The following EML6 variants were observed in gnomAD, a reference collection of about 807,000 sequenced individuals.
EML6 encodes EMAP like 6, also known as echinoderm microtubule-associated protein-like 6.
In EML6, 154 loss-of-function variants were observed where a neutral mutation model predicts 240.1. The ratio of observed to expected loss-of-function variants is 0.64; its 90% CI spans 0.56 to 0.73. The LOEUF (loss-of-function observed/expected upper bound fraction) is 0.73, where lower values mean the gene tolerates loss of function less well. Among genes scored for constraint, EML6 ranks in the 30% least tolerant of loss-of-function variants. The pLI, the probability that EML6 is intolerant of heterozygous loss-of-function variation, is 0.00. For missense variants in EML6, 2,964 were observed against 2,474.6 expected, an observed-to-expected ratio of 1.20 and a Z score of -4.20; for synonymous variants, 1,148 against 899.0, an observed-to-expected ratio of 1.28 and a Z score of -4.95.
intron 19 of EML6, among the ~76,000 whole-genome samples, chr2:54,893,422 A>T (rs951543132): frequency 6.6e-6 from 1 of 152,114 alleles, no homozygotes; most frequent in African/African-American, 2.4e-5. Flanking sequence ...GTCCGAAATC[A>T]TCCTTTAGTA....
chr2:54,833,887 A>C (rs1215777481), intron 7 of EML6, among the ~76,000 whole-genome samples: 1 of 152,208 alleles, frequency 6.6e-6, no homozygotes, highest in Non-Finnish European at 1.5e-5. Flanking sequence ...TAAATAACTA[A>C]TTCGGCAGCA....
At chr2:54,827,890 T>TTACA in intron 6 of EML6, 139 bp downstream of exon 6, 1 of 621,856 alleles carries the variant, frequency 1.6e-6, no homozygotes, top group Non-Finnish European at 2.8e-6. Context: ...ATTTCCCATA[T>TTACA]TACATTTGCT....
At chr2:54,903,583 C>G in intron 24 of EML6, 81 bp downstream of exon 24, 11 of 1,120,276 alleles carry the variant, frequency 9.8e-6, no homozygotes, top group Non-Finnish European at 1.3e-5. Context: ...GAGAGAATGG[C>G]AGTTGAGTGT....
At chr2:54,786,575 G>A (rs1049431094) in intron 2 of EML6, among the ~76,000 whole-genome samples, 12 of 152,164 alleles carry the variant, frequency 7.9e-5, no homozygotes, top group Admixed American at 6.5e-5. Flanking sequence ...GGGACATAGC[G>A]GTATAGGGAG....
chr2:54,887,546 A>C (rs1205866545), intron 17 of EML6, among the ~76,000 whole-genome samples: 1 of 152,122 alleles, frequency 6.6e-6, no homozygotes, highest in African/African-American at 2.4e-5. Context: ...TTAATCTTTT[A>C]TTGCTTTAAG....
chr2:54,896,808 T>G (rs553570536), intron 21 of EML6, among the ~76,000 whole-genome samples: 1 of 152,308 alleles, frequency 6.6e-6, no homozygotes, highest in African/African-American at 2.4e-5. Context: ...ACACTATGGC[T>G]CAGGACACTG....
chr2:54,968,187 A>T lies in EML6; in HGVS notation c.5657A>T (p.Asn1886Ile), dbSNP rs899131805. The change falls in exon 40 of 42, where the codon AAC (asparagine) becomes ATC (isoleucine). Residue 1886 changes from asparagine (N) to isoleucine (I), a missense_variant. Physicochemically the swap from Asn to Ile is moderately radical, Grantham distance 149. Coordinates refer to ENST00000356458, the MANE Select transcript of EML6 (RefSeq NM_001039753.4). ...CGAAATGCAGACAAGGCTGATGTCA[A>T]CTGCGCATGTGTGACCCACGCTGGC... ...WPRNADKADV[N>I]CACVTHAGLN... is the part of the protein sequence containing the mutation. 4 of 1,551,702 alleles carry T rather than the reference A, an allele frequency of 2.6e-6. No individual in the cohort carries two copies. The highest frequency in any genetic ancestry group is 1.7e-6 in the Non-Finnish European group (2 of 1,146,992).
chr2:54,797,105 C>T (rs1017633254), intron 2 of EML6, among the ~76,000 whole-genome samples: 2 of 135,336 alleles, frequency 1.5e-5, no homozygotes, highest in African/African-American at 5.6e-5. Context: ...GCAGAGCTTG[C>T]AGTGAGCCGA....
chr2:54,968,885 T>A, intron 41 of EML6, 117 bp downstream of exon 41: 1 of 608,160 alleles, frequency 1.6e-6, no homozygotes, highest in South Asian at 2.0e-5. Context: ...GATGTGGGGC[T>A]AATAAACAGG....
At chr2:54,919,515 G>T (rs17418111) in intron 26 of EML6, among the ~76,000 whole-genome samples, 1 of 152,132 alleles carries the variant, frequency 6.6e-6, no homozygotes, top group Non-Finnish European at 1.5e-5. Context: ...CCAGTGTTAC[G>T]TTCATTGCCC....
At chr2:54,861,830 G>C (rs894956107) in intron 12 of EML6, among the ~76,000 whole-genome samples, 1 of 149,938 alleles carries the variant, frequency 6.7e-6, no homozygotes, top group African/African-American at 2.5e-5. Context: ...TGACAATGAA[G>C]AAATGAAATT....
intron 2 of EML6, among the ~76,000 whole-genome samples, chr2:54,757,273 A>G (rs1053638374): frequency 1.3e-5 from 2 of 152,008 alleles, no homozygotes; most frequent in African/African-American, 2.4e-5. Context: ...CTCTCTTTGT[A>G]TTTAAGAGCA....
chr2:54,931,874 G>A (rs753695958), intron 28 of EML6, among the ~76,000 whole-genome samples: 10 of 152,188 alleles, frequency 6.6e-5, no homozygotes, highest in Non-Finnish European at 1.3e-4. Flanking sequence ...GATGACTGTA[G>A]CACCTGTCGT....
chr2:54,860,664 C>A (rs1331590724), intron 12 of EML6, among the ~76,000 whole-genome samples: 1 of 152,198 alleles, frequency 6.6e-6, no homozygotes, highest in South Asian at 2.1e-4. Flanking sequence ...TCCTAAACCT[C>A]CCACTTCGGG....
At chr2:54,842,848 G>T (rs1051886451) in intron 7 of EML6, among the ~76,000 whole-genome samples, 6 of 152,206 alleles carry the variant, frequency 3.9e-5, no homozygotes, top group African/African-American at 1.4e-4. Flanking sequence ...TGCTTTTGGA[G>T]AAGAGGCTTG....
chr2:54,765,078 G>T (rs546526198), intron 2 of EML6, among the ~76,000 whole-genome samples: 4 of 150,926 alleles, frequency 2.7e-5, no homozygotes, highest in African/African-American at 4.9e-5. Context: ...CCACTTTCTC[G>T]TAATAATATA....
At chr2:54,958,677 C>A (rs961116015) in intron 33 of EML6, among the ~76,000 whole-genome samples, 1 of 152,106 alleles carries the variant, frequency 6.6e-6, no homozygotes, top group Non-Finnish European at 1.5e-5. Flanking sequence ...CAATTACCAC[C>A]CTTAAGTGGG....
chr2:54,779,045 A>G (rs1469488420), intron 2 of EML6, among the ~76,000 whole-genome samples: 1 of 152,226 alleles, frequency 6.6e-6, no homozygotes, highest in East Asian at 1.9e-4. Context: ...GAGCTTCAGA[A>G]TTTGATTTCT....
intron 6 of EML6, 37 bp downstream of exon 6, chr2:54,827,788 C>A (rs753810346): frequency 7.5e-6 from 11 of 1,463,902 alleles, no homozygotes; most frequent in Non-Finnish European, 1.0e-5. Context: ...GGGTGACCTA[C>A]CAAATAAGGT....
Sources: gnomAD v4.1 joint callset for allele counts (sites outside exome capture counted in the v4.1 genomes callset) on GRCh38, gnomAD v4.1.1 for gene constraint, MANE v1.5 for transcripts, NCBI Gene and HGNC (gene_info 2026-07-23, HGNC 2026-07-21) for gene names.